Variants in AGAP1 observed in about 807,000 individuals in gnomAD.
AGAP1 encodes the protein arf-GAP with GTPase, ANK repeat and PH domain-containing protein 1.
AGAP1 carries 29 observed loss-of-function variants against 105.3 expected under a neutral mutation model. That is an observed-to-expected ratio of 0.28 (90% confidence interval 0.21 to 0.38). The LOEUF (loss-of-function observed/expected upper bound fraction) is 0.38. AGAP1 is among the 10% of genes least tolerant of loss of function. The pLI, the probability that AGAP1 is intolerant of heterozygous loss-of-function variation, is 1.00. For missense variants in AGAP1, 998 were observed against 1,165.1 expected, an observed-to-expected ratio of 0.86 and a Z score of 2.09; for synonymous variants, 509 against 485.9, an observed-to-expected ratio of 1.05 and a Z score of -0.63.
In AGAP1 at chr2:235,689,568, A is replaced by G. The variant is rs78698917; in HGVS notation, c.164-19611A>G. 1.8e-4 allele frequency among the ~76,000 whole-genome samples: 27 copies of G among 152,016 alleles called. No individual in the cohort carries two copies. The East Asian group carries it at 5.2e-3, about 29-fold the overall frequency. ...CTGAAAGTCTTAAGTCTGTTTCTCA[A>G]CTCCCCTCTTGTTTTCATTGTTTCA... On this transcript the variant is annotated intron_variant, in intron 1 of 17. Transcript: ENST00000304032. This position sits in a 1 kb window ranked among gnomAD's most constrained non-coding sequence, Gnocchi z 4.2.
chr2:235,683,947 G>A (rs377553013), intron 1 of AGAP1, among the ~76,000 whole-genome samples: 3 of 151,608 alleles, frequency 2.0e-5, no homozygotes, highest in African/African-American at 7.3e-5. Flanking sequence ...AACACATGGT[G>A]TGTTTGGTTT....
At chr2:235,933,408 A>G (rs996029600) in intron 12 of AGAP1, among the ~76,000 whole-genome samples, 2 of 152,154 alleles carry the variant, frequency 1.3e-5, no homozygotes, top group African/African-American at 4.8e-5. Flanking sequence ...CCAAATTAGC[A>G]TCTGATTTTC....
chr2:235,769,663 C>A lies in AGAP1; in HGVS notation c.673+19175C>A, dbSNP rs1955258247. ...TTCCAACACAATATACAATTAATTG[C>A]TGTAAAATATCGTGGTCAAAATCTC... On this transcript the variant is annotated intron_variant, in intron 6 of 17. Transcript: ENST00000304032. This position sits in a 1 kb window ranked among gnomAD's most constrained non-coding sequence, Gnocchi z 4.4. 1.3e-5 allele frequency among the ~76,000 whole-genome samples: 2 copies of A among 151,750 alleles called. No individual in the cohort carries two copies. Among genetic ancestry groups the A allele is most frequent in the Non-Finnish European group, 2.9e-5 (2 of 67,968 alleles).
At chr2:235,782,431 T>G (rs1575446786) in intron 6 of AGAP1, among the ~76,000 whole-genome samples, 1 of 152,232 alleles carries the variant, frequency 6.6e-6, no homozygotes, top group African/African-American at 2.4e-5. Context: ...TAATTTGCCT[T>G]TTACTTACAT....
chr2:236,116,248 G>A (rs2059766733), intron 16 of AGAP1, among the ~76,000 whole-genome samples: 1 of 152,052 alleles, frequency 6.6e-6, no homozygotes, highest in South Asian at 2.1e-4. Context: ...CCCTTTTGTG[G>A]GTTTCGGGCC....
In AGAP1 at chr2:236,042,640, G is replaced by A. The variant is rs1359300778; in HGVS notation, c.1891+1799G>A. Among the ~76,000 whole-genome samples, 8 of 152,146 alleles carry A rather than the reference G, an allele frequency of 5.3e-5. No homozygotes were observed. The highest frequency in any genetic ancestry group is 8.8e-5 in the Non-Finnish European group (6 of 68,032). On this transcript the variant is annotated intron_variant, in intron 15 of 17. Transcript: ENST00000304032. The surrounding 1 kb of genome is among the most constrained non-coding windows in gnomAD (Gnocchi z 5.6). ...AAGGAAAGCCATCCGTGGCTTGCGG[G>A]GACCATGATACCTGGCAAATCGGAG...
rs1371782630 is a variant in AGAP1 at position 236,121,783 on chromosome 2, AACAG to A, written c.2370+1340_2370+1343del. Among the ~76,000 whole-genome samples the A allele has an allele frequency of 6.6e-6, 1 of 152,186 alleles. No homozygotes were observed. Among genetic ancestry groups the A allele is most frequent in the African/African-American group, 2.4e-5 (1 of 41,444 alleles). Reference sequence around the variant, plus strand: ...ATACCACAGACAGGGGTGCTTCAACAACAGACATTTATTTTTTCACAGTTCTGGA... The same window carrying A: ...ATACCACAGACAGGGGTGCTTCAACAACATTTATTTTTTCACAGTTCTGGA... On this transcript the variant is annotated intron_variant, in intron 17 of 17. Transcript: ENST00000304032. The surrounding 1 kb of genome is among the most constrained non-coding windows in gnomAD (Gnocchi z 4.9).
At chr2:236,059,779 A>G (rs1324213508) in intron 16 of AGAP1, among the ~76,000 whole-genome samples, 1 of 152,210 alleles carries the variant, frequency 6.6e-6, no homozygotes, top group Non-Finnish European at 1.5e-5. Context: ...CACTTGTGAA[A>G]GAATGAAGTT....
chr2:235,882,600 A>C lies in AGAP1; in HGVS notation c.1051-745A>C, dbSNP rs892150698. The C allele has an allele frequency of 2.4e-5, 11 of 463,956 alleles. No individual in the cohort carries two copies. In the Admixed American group the frequency reaches 4.0e-4, roughly 17 times the overall value. The allele number at this position is 463,956 out of a possible 1,614,324, so 28.7% of individuals were successfully genotyped here. On this transcript the variant is annotated intron_variant, in intron 9 of 17. Transcript: ENST00000304032. The surrounding 1 kb of genome is among the most constrained non-coding windows in gnomAD (Gnocchi z 4.6). The stretch of plus-strand genomic sequence containing the variant: ...TGCTCAGCCTCCCCGAGTAGCTGGG[A>C]TTATAGGTGCCCACCACTGCGTCCA...
chr2:235,869,566 A>G (rs2049341481), intron 9 of AGAP1, among the ~76,000 whole-genome samples: 1 of 151,920 alleles, frequency 6.6e-6, no homozygotes. Context: ...GCGCCACTGC[A>G]CTCCAGCCTG....
At chr2:235,783,174 A>G (rs1362818372) in intron 6 of AGAP1, 4 of 343,872 alleles carry the variant, frequency 1.2e-5, no homozygotes, top group East Asian at 8.7e-5. Flanking sequence ...CACCAAAGAC[A>G]AAGTGTTTCT....
At position 235,596,480 on chromosome 2, in the gene AGAP1, G is replaced by C. The variant is rs531845930; in HGVS notation, c.163+101631G>C. Reference sequence around the variant, plus strand: ...TGCAGATTTGGATTCAGCAAGGCAAGGTGGACCTGAGAGTCTGTGTTTCTG... The same window carrying C: ...TGCAGATTTGGATTCAGCAAGGCAACGTGGACCTGAGAGTCTGTGTTTCTG... On this transcript the variant is annotated intron_variant, in intron 1 of 17. Coordinates refer to ENST00000304032, the MANE Select transcript of AGAP1 (RefSeq NM_001037131.3). This position sits in a 1 kb window ranked among gnomAD's most constrained non-coding sequence, Gnocchi z 5.9. 1.3e-3 allele frequency among the ~76,000 whole-genome samples: 192 copies of C among 152,276 alleles called. 1 individual carries two copies. Among genetic ancestry groups the C allele is most frequent in the African/African-American group, 4.5e-3 (185 of 41,564 alleles).
chr2:235,929,719 C>T (rs1190341331), intron 11 of AGAP1, among the ~76,000 whole-genome samples: 1 of 152,124 alleles, frequency 6.6e-6, no homozygotes, highest in Non-Finnish European at 1.5e-5. Flanking sequence ...TTTGAAAATG[C>T]ATCTTTTCCC....
intron 16 of AGAP1, among the ~76,000 whole-genome samples, chr2:236,094,923 CAAAAAAAAA>C (rs59126473): frequency 0.017 from 651 of 37,812 alleles, 2 homozygotes; most frequent in African/African-American, 0.045. Flanking sequence ...CCCATCTCTA[CAAAAAAAAA>C]AAAAAAAAAA....
chr2:235,674,590 A>G (rs2149373523), intron 1 of AGAP1, among the ~76,000 whole-genome samples: 1 of 152,250 alleles, frequency 6.6e-6, no homozygotes, highest in Admixed American at 6.5e-5. Flanking sequence ...TTTTAAAATT[A>G]GTAATTTACA....
At chr2:235,544,339 C>A (rs191344140) in intron 1 of AGAP1, among the ~76,000 whole-genome samples, 16 of 152,302 alleles carry the variant, frequency 1.1e-4, no homozygotes, top group Admixed American at 3.3e-4. Flanking sequence ...GTGCCTCCTG[C>A]CGTTGCTTAC....
In AGAP1 at chr2:235,958,302, C is replaced by T. The variant is rs1235751361; in HGVS notation, c.1484-10160C>T. ...CTCCCTGAAATCCAGGCTCCAGGGTCAGGGAAGATCTGACCCGGGAGAGGA... is the reference window on the plus strand; with the variant it reads ...CTCCCTGAAATCCAGGCTCCAGGGTTAGGGAAGATCTGACCCGGGAGAGGA... On this transcript the variant is annotated intron_variant, in intron 12 of 17. Coordinates refer to ENST00000304032, the MANE Select transcript of AGAP1 (RefSeq NM_001037131.3). This position sits in a 1 kb window ranked among gnomAD's most constrained non-coding sequence, Gnocchi z 4.1. Among the ~76,000 whole-genome samples, 1 of 152,000 alleles carries T rather than the reference C, an allele frequency of 6.6e-6. No individual in the cohort carries two copies. Among genetic ancestry groups the T allele is most frequent in the Non-Finnish European group, 1.5e-5 (1 of 68,000 alleles).
At chr2:235,542,867 G>A (rs1943491018) in intron 1 of AGAP1, among the ~76,000 whole-genome samples, 1 of 152,152 alleles carries the variant, frequency 6.6e-6, no homozygotes, top group African/African-American at 2.4e-5. Flanking sequence ...TCCTGTAAAA[G>A]GCTCTGAATC....
chr2:235,737,681 G>C lies in AGAP1; in HGVS notation c.311-3282G>C, dbSNP rs1952330872. ...TGCTCACCTGACATGCAACAGGGAG[G>C]GTCATCTGCCAGGGCGTCACGGTCA... On this transcript the variant is annotated intron_variant, in intron 3 of 17. Transcript: ENST00000304032. This position sits in a 1 kb window ranked among gnomAD's most constrained non-coding sequence, Gnocchi z 4.5. 6.6e-6 allele frequency among the ~76,000 whole-genome samples: 1 copy of C among 152,182 alleles called. No individual in the cohort carries two copies. The highest frequency in any genetic ancestry group is 2.4e-5 in the African/African-American group (1 of 41,444).
Sources: gnomAD v4.1 joint callset for allele counts (sites outside exome capture counted in the v4.1 genomes callset) on GRCh38, gnomAD v4.1.1 for gene constraint, Gnocchi (gnomAD v3.1) non-coding constraint, MANE v1.5 for transcripts, NCBI Gene and HGNC (gene_info 2026-07-23, HGNC 2026-07-21) for gene names.